The following CDH6 variants were observed in gnomAD, a reference collection of about 807,000 sequenced individuals.
CDH6 encodes cadherin-6.
Under a neutral mutation model 78.0 loss-of-function variants are expected in CDH6, and 31 were observed. The ratio of observed to expected loss-of-function variants is 0.40; its 90% confidence interval spans 0.30 to 0.54. The LOEUF is 0.54. Ranked by LOEUF, CDH6 falls within the 20% of genes least tolerant of loss-of-function variation. CDH6 has a pLI of 0.56. For missense variants in CDH6, 724 were observed against 975.9 expected, an observed-to-expected ratio of 0.74 and a Z score of 3.44; for synonymous variants, 376 against 368.8, an observed-to-expected ratio of 1.02 and a Z score of -0.23.
intron 7 of CDH6, among the ~76,000 whole-genome samples, chr5:31,307,477 C>T (rs1738020823): frequency 6.6e-6 from 1 of 152,204 alleles, no homozygotes; most frequent in Non-Finnish European, 1.5e-5. Flanking sequence ...ATCTACAAGA[C>T]ACTTTGAATT....
At chr5:31,238,457 G>A (rs1367128283) in intron 1 of CDH6, among the ~76,000 whole-genome samples, 4 of 152,160 alleles carry the variant, frequency 2.6e-5, no homozygotes, top group Admixed American at 2.0e-4. Flanking sequence ...AGCTATCTTG[G>A]TTCAGCTGTT....
chr5:31,252,319 T>TATGTGTGTG (rs1741931382), intron 1 of CDH6, among the ~76,000 whole-genome samples: 1 of 130,214 alleles, frequency 7.7e-6, no homozygotes, highest in African/African-American at 2.9e-5. Flanking sequence ...AGGTGTATTA[T>TATGTGTGTG]GTGTGTGTGG....
At position 31,193,778 on chromosome 5, in the gene CDH6, C is replaced by CGCGACAGCAAGAACGGCAGAGCCG. The variant is rs3839203; in HGVS notation, c.-231_-208dup. 6.5e-6 allele frequency: 1 copy of CGCGACAGCAAGAACGGCAGAGCCG among 153,604 alleles called. No homozygotes were observed. Among genetic ancestry groups the CGCGACAGCAAGAACGGCAGAGCCG allele is most frequent in the East Asian group, 1.9e-4 (1 of 5,196 alleles). The allele number at this position is 153,604 out of a possible 1,614,324, so 9.5% of individuals were successfully genotyped here. A position where few individuals can be genotyped will look rare whatever the true frequency, so the allele number is the denominator to read the frequency against. On this transcript the variant is annotated 5_prime_UTR_variant, in exon 1 of 12. Transcript: ENST00000265071. ...GCATCCCAAGAGCTGCAGTTTCAGC[C>CGCGACAGCAAGAACGGCAGAGCCG]GCGACAGCAAGAACGGCAGAGCCGG...
At chr5:31,282,273 G>C (rs991509458) in intron 2 of CDH6, among the ~76,000 whole-genome samples, 7 of 152,140 alleles carry the variant, frequency 4.6e-5, no homozygotes, top group Non-Finnish European at 1.0e-4. Context: ...AGGCTTCAGG[G>C]AAGGATCCAT....
At chr5:31,284,452 G>T (rs372718629) in intron 2 of CDH6, among the ~76,000 whole-genome samples, 2 of 152,218 alleles carry the variant, frequency 1.3e-5, no homozygotes, top group East Asian at 1.9e-4. Flanking sequence ...TTTGGGTAAA[G>T]GTGAAAGCAG....
Position 31,305,378 on chromosome 5 carries a change from A to C in CDH6, c.1204A>C (p.Ile402Leu). ...IREDAQINTT[I>L]GSVTAQDPDA... is the part of the protein sequence containing the mutation. ...AGAAGATGCTCAGATAAACACCACA[A>C]TAGGCTCCGTCACAGCCCAAGATCC... Residue 402 changes from isoleucine to leucine, a missense_variant, in exon 7 of 12, where the codon ATA becomes CTA. Physicochemically the swap from Ile to Leu is conservative, Grantham distance 5 (BLOSUM62 2). Transcript: ENST00000265071. 6.2e-7 allele frequency: 1 copy of C among 1,614,124 alleles called. No homozygotes were observed. Among genetic ancestry groups the C allele is most frequent in the Non-Finnish European group, 8.5e-7 (1 of 1,179,986 alleles).
intron 1 of CDH6, among the ~76,000 whole-genome samples, chr5:31,262,788 C>T (rs143804218): frequency 1.4e-4 from 22 of 152,260 alleles, no homozygotes; most frequent in Non-Finnish European, 2.5e-4. Context: ...CCATTTACTT[C>T]CTGACATCTA....
intron 1 of CDH6, among the ~76,000 whole-genome samples, chr5:31,247,133 T>C (rs1161729374): frequency 6.6e-6 from 1 of 152,138 alleles, no homozygotes; most frequent in Non-Finnish European, 1.5e-5. Flanking sequence ...TGCAGAAGAG[T>C]TTGAGAATGG....
intron 8 of CDH6, among the ~76,000 whole-genome samples, chr5:31,314,159 T>G (rs1439126455): frequency 6.6e-6 from 1 of 152,146 alleles, no homozygotes; most frequent in Non-Finnish European, 1.5e-5. Context: ...TTTTTTAATT[T>G]TTTTATTATA....
intron 2 of CDH6, among the ~76,000 whole-genome samples, chr5:31,290,590 T>C (rs559169719): frequency 1.1e-4 from 17 of 152,308 alleles, no homozygotes; most frequent in African/African-American, 3.8e-4. Context: ...CCAATTAAAA[T>C]CTAAGTGCTC....
chr5:31,246,127 G>T (rs1225770485), intron 1 of CDH6, among the ~76,000 whole-genome samples: 2 of 151,722 alleles, frequency 1.3e-5, no homozygotes, highest in African/African-American at 2.4e-5. Context: ...GGCCAGGATT[G>T]TCTCCATCTC....
rs530566943 is a variant in CDH6 at position 31,300,143 on chromosome 5, G to A, written c.811+512G>A. Among the ~76,000 whole-genome samples the A allele has an allele frequency of 7.2e-5, 11 of 152,228 alleles. 1 individual carries two copies. Among genetic ancestry groups the A allele is most frequent in the East Asian group, 3.9e-4 (2 of 5,184 alleles). On this transcript the variant is annotated intron_variant, in intron 5 of 11. Coordinates refer to ENST00000265071, the MANE Select transcript of CDH6 (RefSeq NM_004932.4). Reference sequence around the variant, plus strand: ...CTACATTATGGTTAGTTGAGATACCGAAAGTTGTCTCCAAAATCATTAACT... The same window carrying A: ...CTACATTATGGTTAGTTGAGATACCAAAAGTTGTCTCCAAAATCATTAACT...
intron 2 of CDH6, among the ~76,000 whole-genome samples, chr5:31,272,151 A>G (rs1297518623): frequency 1.3e-5 from 2 of 152,162 alleles, no homozygotes; most frequent in African/African-American, 4.8e-5. Context: ...GTGTTAGCTT[A>G]TACTGCAGAG....
In CDH6 at chr5:31,317,338, T is replaced by C. The variant is rs758962664; in HGVS notation, c.1513-37T>C. 5 of 1,006,132 alleles carry C rather than the reference T, an allele frequency of 5.0e-6. No individual in the cohort carries two copies. In the South Asian group the frequency reaches 5.6e-5, roughly 11 times the overall value. The allele number at this position is 1,006,132 out of a possible 1,614,324, so 62.3% of individuals were successfully genotyped here. ...AACGGTAAGAAACACTTTTGAGTTA[T>C]CAAAATTTTATGGCAGCGTTTTGGT... On this transcript the variant is annotated intron_variant, in intron 9 of 11. Transcript: ENST00000265071.
intron 1 of CDH6, among the ~76,000 whole-genome samples, chr5:31,220,089 C>T (rs1425983227): frequency 6.6e-6 from 1 of 152,132 alleles, no homozygotes; most frequent in Non-Finnish European, 1.5e-5. Flanking sequence ...CTTATTCTTC[C>T]TTTGTACACT....
Position 31,305,309 on chromosome 5 carries a change from G to A in CDH6, c.1135G>A (p.Glu379Lys). The A allele has an allele frequency of 1.2e-6, 2 of 1,614,098 alleles. No individual in the cohort carries two copies. The highest frequency in any genetic ancestry group is 1.7e-6 in the Non-Finnish European group (2 of 1,179,984). ...TVRIVVEDVD[E>K]PPVFSKLAYI... is the part of the protein sequence containing the mutation. ...TAGAATTGTGGTGGAGGATGTAGAT[G>A]AGCCACCTGTCTTCAGCAAACTGGC... The change falls in exon 7 of 12, where the codon GAG becomes AAG. Residue 379 changes from glutamate to lysine, a missense_variant. By Grantham distance (56) the Glu-to-Lys change is moderately conservative. Around this residue, in one of 3 missense-constraint regions of CDH6, gnomAD observed 446 missense variants for 684.5 expected, o/e 0.65. Coordinates refer to ENST00000265071, the MANE Select transcript of CDH6 (RefSeq NM_004932.4).
chr5:31,233,591 G>A (rs947257624), intron 1 of CDH6, among the ~76,000 whole-genome samples: 9 of 151,618 alleles, frequency 5.9e-5, no homozygotes, highest in Non-Finnish European at 1.0e-4. Flanking sequence ...TAAAATTTCT[G>A]GTCATCTCAT....
At chr5:31,296,454 T>C (rs1327813288) in intron 3 of CDH6, among the ~76,000 whole-genome samples, 1 of 152,166 alleles carries the variant, frequency 6.6e-6, no homozygotes, top group Non-Finnish European at 1.5e-5. Flanking sequence ...TGATCTGAAA[T>C]GTAATAGCCT....
intron 8 of CDH6, among the ~76,000 whole-genome samples, 177 bp downstream of exon 8, chr5:31,313,631 T>C (rs1218736349): frequency 1.3e-5 from 2 of 152,188 alleles, no homozygotes; most frequent in African/African-American, 4.8e-5. Context: ...GGCTCACACA[T>C]AAATGGAGAG....
Sources: gnomAD v4.1 joint callset for allele counts (sites outside exome capture counted in the v4.1 genomes callset) on GRCh38, gnomAD v4.1.1 for gene constraint, gnomAD v4.1.1 regional missense constraint, MANE v1.5 for transcripts, NCBI Gene and HGNC (gene_info 2026-07-23, HGNC 2026-07-21) for gene names.